Variants in ADAP1 observed in about 807,000 individuals in gnomAD.
The protein encoded by ADAP1 is ArfGAP with dual PH domains 1, also known as arf-GAP with dual PH domain-containing protein 1.
Under a neutral mutation model 54.9 loss-of-function variants are expected in ADAP1, and 31 were observed. The ratio of observed to expected loss-of-function variants is 0.56; its 90% CI spans 0.42 to 0.76. ADAP1 has a LOEUF of 0.76. Among genes scored for constraint, ADAP1 ranks in the 30% least tolerant of loss-of-function variants. The pLI is 0.00. For synonymous variants in ADAP1, 313 were observed against 202.6 expected (o/e 1.55, Z -4.63); for missense variants, 535 against 512.4 (o/e 1.04, Z -0.42).
chr7:905,219 G>C lies in ADAP1; in HGVS notation c.389-47C>G, dbSNP rs534633173. 3.4e-6 allele frequency: 5 copies of C among 1,456,532 alleles called. No homozygotes were observed. The East Asian group carries it at 1.2e-4, about 35-fold the overall frequency. 90.2% of individuals were successfully genotyped at this position (1,456,532 alleles called of 1,614,324 possible). On this transcript the variant is annotated intron_variant, in intron 4 of 10. Coordinates refer to ENST00000265846, the MANE Select transcript of ADAP1 (RefSeq NM_006869.4). ...AGTCGGTGACAGTGGATGGGGGGGA[G>C]GAAACAAAAGGAGTGACGATGGACA...
At position 918,119 on chromosome 7, in the gene ADAP1, G is replaced by C. The variant is rs528993540; in HGVS notation, c.388+1849C>G. On this transcript the variant is annotated intron_variant, in intron 4 of 10. Coordinates refer to ENST00000265846, the MANE Select transcript of ADAP1 (RefSeq NM_006869.4). ...ATTTTTGTATTTTTAGTAGAGACGG[G>C]GTTTCACCATGTTGGCCAGGCTGGC... is the stretch of plus-strand genomic sequence containing the variant. Among the ~76,000 whole-genome samples the C allele has an allele frequency of 9.8e-4, 149 of 152,244 alleles. 2 individuals carry two copies. Among genetic ancestry groups the C allele is most frequent in the Non-Finnish European group, 5.7e-4 (39 of 68,018 alleles).
chr7:905,881 GGAGAAAGGAGAAAGGAGAAA>G (rs1845246222), intron 4 of ADAP1, among the ~76,000 whole-genome samples: 1 of 22,508 alleles, frequency 4.4e-5, no homozygotes, highest in African/African-American at 1.4e-4. Flanking sequence ...AAGGGAGAAA[GGAGAAAGGAGAAAGGAGAAA>G]GGAGAAAGGG....
rs1429139664 is a variant in ADAP1 at position 946,550 on chromosome 7, GCCCTGC to G, written c.82+7840_82+7845del. Among the ~76,000 whole-genome samples the G allele has an allele frequency of 6.8e-6, 1 of 147,360 alleles. No individual in the cohort carries two copies. Among genetic ancestry groups the G allele is most frequent in the Non-Finnish European group, 1.5e-5 (1 of 66,830 alleles). ...TCCCCCAAGGACCCCCCCAGGCTCT[GCCCTGC>G]CCCTGCCCTCCCACCCTCTCTCCCT... On this transcript the variant is annotated intron_variant, in intron 1 of 10. Transcript: ENST00000265846. The surrounding 1 kb of genome is among the most constrained non-coding windows in gnomAD (Gnocchi z 4.3).
In ADAP1 at chr7:900,514, C is replaced by A. The variant is rs369589837; in HGVS notation, c.732+19G>T. The A allele has an allele frequency of 5.0e-4, 789 of 1,582,144 alleles. 1 individual carries two copies. The highest frequency in any genetic ancestry group is 6.3e-4 in the Non-Finnish European group (726 of 1,161,476). On this transcript the variant is annotated intron_variant, in intron 7 of 10. Coordinates refer to ENST00000265846, the MANE Select transcript of ADAP1 (RefSeq NM_006869.4). ...CCACCCCTGTCTGCCCTGGAGCTGA[C>A]CGCAGGGCCGCCACTCACATCTGCG...
At chr7:932,044 G>A (rs1383315464) in intron 2 of ADAP1, among the ~76,000 whole-genome samples, 2 of 152,246 alleles carry the variant, frequency 1.3e-5, no homozygotes, top group African/African-American at 4.8e-5. Flanking sequence ...ACCCAGCCCT[G>A]CCTGGGGGCC....
intron 2 of ADAP1, among the ~76,000 whole-genome samples, chr7:932,239 G>GT (rs1171698621): frequency 6.6e-6 from 1 of 152,180 alleles, no homozygotes; most frequent in Non-Finnish European, 1.5e-5. Context: ...GGGTTTCTTG[G>GT]TAATACCCAC....
In ADAP1 at chr7:954,488, C is replaced by T. The variant is rs888042391; in HGVS notation, c.-11G>A. The stretch of plus-strand genomic sequence containing the variant: ...CCGCTCCTTGGCCATGGCCGCGATG[C>T]GCCCGCGATGCCGATGCCGGGGCCG... On this transcript the variant is annotated 5_prime_UTR_variant, in exon 1 of 11. Transcript: ENST00000265846. 8.8e-6 allele frequency: 9 copies of T among 1,022,452 alleles called. No homozygotes were observed. In the African/African-American group the frequency reaches 1.2e-4, roughly 14 times the overall value. The allele number at this position is 1,022,452 out of a possible 1,614,324, so 63.3% of individuals were successfully genotyped here. A position where few individuals can be genotyped will look rare whatever the true frequency, so the allele number is the denominator to read the frequency against.
intron 5 of ADAP1, 77 bp downstream of exon 5, chr7:904,983 C>G: frequency 7.6e-7 from 1 of 1,313,404 alleles, no homozygotes; most frequent in Non-Finnish European, 1.1e-6. Context: ...ATGGACGCGG[C>G]CACCACAGGC....
chr7:909,454 C>T lies in ADAP1; in HGVS notation c.389-4282G>A, dbSNP rs529698103. Among the ~76,000 whole-genome samples the T allele has an allele frequency of 1.3e-4, 20 of 152,274 alleles. 2 individuals are homozygous for T. The highest frequency in any genetic ancestry group is 4.8e-4 in the African/African-American group (20 of 41,528). ...GTCCTCCCGACAGCAGGCGCCAGGA[C>T]GCCGCATTCCAGGGGCAATGACGAC... On this transcript the variant is annotated intron_variant, in intron 4 of 10. Coordinates refer to ENST00000265846, the MANE Select transcript of ADAP1 (RefSeq NM_006869.4).
chr7:918,884 G>A (rs948289670), intron 4 of ADAP1, among the ~76,000 whole-genome samples: 2 of 152,100 alleles, frequency 1.3e-5, no homozygotes, highest in South Asian at 2.1e-4. Context: ...CAAAGCCCCA[G>A]GGTTTAAATG....
At chr7:905,883 A>G (rs1229935374) in intron 4 of ADAP1, among the ~76,000 whole-genome samples, 7 of 8,554 alleles carry the variant, frequency 8.2e-4, no homozygotes, top group South Asian at 6.4e-3. Context: ...GGGAGAAAGG[A>G]GAAAGGAGAA....
rs1195580195 is a variant in ADAP1 at position 901,235 on chromosome 7, C to T, written c.649-619G>A. On this transcript the variant is annotated intron_variant, in intron 6 of 10. Coordinates refer to ENST00000265846, the MANE Select transcript of ADAP1 (RefSeq NM_006869.4). ...GCCCCACGTCGGGTGCCCTCTGGGT[C>T]TAGACTTCAGCCTGGCTGTCCCCTG... 3 of 355,838 alleles carry T rather than the reference C, an allele frequency of 8.4e-6. No individual in the cohort carries two copies. The East Asian group carries it at 2.2e-4, about 27-fold the overall frequency. The allele number at this position is 355,838 out of a possible 1,614,324, so 22.0% of individuals were successfully genotyped here.
rs930364671 is a variant in ADAP1, at chr7:899,793, A to G, written c.796-303T>C. 5.3e-5 allele frequency among the ~76,000 whole-genome samples: 8 copies of G among 152,166 alleles called. No individual in the cohort carries two copies. In the East Asian group the frequency reaches 1.6e-3, roughly 30 times the overall value. On this transcript the variant is annotated intron_variant, in intron 8 of 10. Coordinates refer to ENST00000265846, the MANE Select transcript of ADAP1 (RefSeq NM_006869.4). ...CTCCTCCGGGACCACCAAGACTCCC[A>G]GGATTTGTGTCTCCCTCCCACATTA...
intron 4 of ADAP1, among the ~76,000 whole-genome samples, chr7:910,257 C>G (rs1845669369): frequency 6.6e-6 from 1 of 152,042 alleles, no homozygotes; most frequent in African/African-American, 2.4e-5. Context: ...AAAGCCCACA[C>G]CCGTTTACGA....
intron 2 of ADAP1, among the ~76,000 whole-genome samples, chr7:928,874 G>T (rs897207450): frequency 6.6e-6 from 1 of 152,232 alleles, no homozygotes; most frequent in Non-Finnish European, 1.5e-5. Flanking sequence ...GCAGAGACAT[G>T]CACATGAGTG....
At chr7:906,742 TACA>T in intron 4 of ADAP1, among the ~76,000 whole-genome samples, 1 of 28,286 alleles carries the variant, frequency 3.5e-5, no homozygotes, top group Admixed American at 3.4e-4. Flanking sequence ...GGGGACAGAG[TACA>T]TAGGGGACAT....
In ADAP1 at chr7:905,081, C is replaced by G. The variant is rs1344512557; in HGVS notation, c.480G>C (p.Leu160=). The change falls in exon 5 of 11, where the codon CTG becomes CTC. Residue 160 remains leucine (L), a synonymous_variant. Coordinates refer to ENST00000265846, the MANE Select transcript of ADAP1 (RefSeq NM_006869.4). The stretch of plus-strand genomic sequence containing the variant: ...TCACATCATTTCTGTTGAAATACTT[C>G]AGAGCACCCTCTCGTTCTGTCAGCA... ...KFVLTEREGA[L]KYFNRNDAKE... 12 of 1,611,900 alleles carry G rather than the reference C, an allele frequency of 7.4e-6. No homozygotes were observed. Among genetic ancestry groups the G allele is most frequent in the Non-Finnish European group, 9.3e-6 (11 of 1,179,890 alleles).
chr7:941,250 G>T (rs1036860037), intron 1 of ADAP1, among the ~76,000 whole-genome samples: 4 of 152,120 alleles, frequency 2.6e-5, no homozygotes, highest in African/African-American at 9.7e-5. Flanking sequence ...ATCAAGAACA[G>T]GACAAGAATG....
Position 938,105 on chromosome 7 carries a change from C to G in ADAP1, c.83-2600G>C, listed in dbSNP as rs979702895. Among the ~76,000 whole-genome samples the G allele has an allele frequency of 2.0e-5, 3 of 152,198 alleles. No homozygotes were observed. The highest frequency in any genetic ancestry group is 4.8e-5 in the African/African-American group (2 of 41,452). ...GTTTTGCCTGTGCTGAGTAGGGCGG[C>G]TTTTGGGAGAAAGAATGCGGTTACA... On this transcript the variant is annotated intron_variant, in intron 1 of 10. Coordinates refer to ENST00000265846, the MANE Select transcript of ADAP1 (RefSeq NM_006869.4). This position sits in a 1 kb window ranked among gnomAD's most constrained non-coding sequence, Gnocchi z 4.4.
Sources: gnomAD v4.1 joint callset for allele counts (sites outside exome capture counted in the v4.1 genomes callset) on GRCh38, gnomAD v4.1.1 for gene constraint, Gnocchi (gnomAD v3.1) non-coding constraint, MANE v1.5 for transcripts, NCBI Gene and HGNC (gene_info 2026-07-23, HGNC 2026-07-21) for gene names.